Variants in MALRD1 observed in about 807,000 individuals in gnomAD.
MALRD1 encodes the protein MAM and LDL receptor class A domain containing 1.
MALRD1 carries 247 observed loss-of-function variants against 242.1 expected under a neutral mutation model. The observed-to-expected ratio is 1.02, with a 90% CI of 0.92 to 1.13. The LOEUF is 1.13. Among genes scored for constraint, MALRD1 ranks in the 50% most tolerant of loss-of-function variants. The pLI is 0.00. For missense variants in MALRD1, 2,989 were observed against 2,533.1 expected, an observed-to-expected ratio of 1.18 and a Z score of -3.86; for synonymous variants, 995 against 866.6, an observed-to-expected ratio of 1.15 and a Z score of -2.60.
At chr10:19,289,484 G>A (rs543119291) in intron 21 of MALRD1, among the ~76,000 whole-genome samples, 26 of 152,140 alleles carry the variant, frequency 1.7e-4, no homozygotes, top group Middle Eastern at 3.4e-3. Context: ...CTTTTAAATC[G>A]GAATGCTTAA....
At chr10:19,274,269 A>G (rs985661620) in intron 19 of MALRD1, among the ~76,000 whole-genome samples, 3 of 152,222 alleles carry the variant, frequency 2.0e-5, no homozygotes, top group African/African-American at 7.2e-5. Context: ...TGGTATATAC[A>G]TACAATGGAA....
At position 19,531,202 on chromosome 10, in the gene MALRD1, C is replaced by G. The variant is rs1204757347; in HGVS notation, c.5329C>G (p.Gln1777Glu). 4 of 1,548,228 alleles carry G rather than the reference C, an allele frequency of 2.6e-6. No homozygotes were observed. The Admixed American group carries it at 7.9e-5, about 31-fold the overall frequency. The change falls in exon 32 of 40, where the codon CAG (glutamine) becomes GAG (glutamate). Residue 1777 changes from glutamine (Q) to glutamate (E), a missense_variant. Physicochemically the swap from Gln to Glu is conservative, Grantham distance 29. Coordinates refer to ENST00000454679, the MANE Select transcript of MALRD1 (RefSeq NM_001142308.3). Reference sequence around the variant, plus strand: ...TGTTAATCTATTTCAAGGTAGTGGTCAGCACTTCCTGTACGTCAACTCATC... The same window carrying G: ...TGTTAATCTATTTCAAGGTAGTGGTGAGCACTTCCTGTACGTCAACTCATC... Reference protein sequence around the residue: ...PDSDHTPGSGQHFLYVNSSGS... With the variant: ...PDSDHTPGSGEHFLYVNSSGS...
intron 32 of MALRD1, among the ~76,000 whole-genome samples, chr10:19,562,320 GATA>G (rs1337290963): frequency 6.0e-5 from 9 of 151,100 alleles, no homozygotes; most frequent in Non-Finnish European, 1.2e-4. Flanking sequence ...TAGATAGATA[GATA>G]GATAGATAGA....
At chr10:19,337,458 G>A (rs1270438438) in intron 24 of MALRD1, among the ~76,000 whole-genome samples, 1 of 152,060 alleles carries the variant, frequency 6.6e-6, no homozygotes, top group Non-Finnish European at 1.5e-5. Flanking sequence ...AGTATGAAGT[G>A]TAATCTCATG....
chr10:19,280,255 T>A (rs773073186), intron 20 of MALRD1, 32 bp downstream of exon 20: 39 of 1,415,254 alleles, frequency 2.8e-5, no homozygotes, highest in Non-Finnish European at 3.5e-5. Flanking sequence ...GTTTAAATAC[T>A]GCTACAAAAT....
chr10:19,569,416 T>C (rs902259670), intron 33 of MALRD1, among the ~76,000 whole-genome samples: 1 of 151,908 alleles, frequency 6.6e-6, no homozygotes, highest in East Asian at 1.9e-4. Flanking sequence ...TTTTCTCATT[T>C]TCACCTCCAA....
At chr10:19,463,588 G>A (rs79100565) in intron 29 of MALRD1, among the ~76,000 whole-genome samples, 123,350 of 151,420 alleles carry the variant, frequency 0.81, 50,428 homozygotes, top group East Asian at 1. Flanking sequence ...GTGTGTGTGT[G>A]TGTATATACT....
At chr10:19,415,337 T>G (rs1332709972) in intron 28 of MALRD1, among the ~76,000 whole-genome samples, 1 of 152,168 alleles carries the variant, frequency 6.6e-6, no homozygotes, top group Non-Finnish European at 1.5e-5. Flanking sequence ...TGCATAAACT[T>G]TTCCTAAAAA....
intron 18 of MALRD1, among the ~76,000 whole-genome samples, chr10:19,251,736 TG>T (rs1839300236): frequency 6.6e-6 from 1 of 151,942 alleles, no homozygotes; most frequent in African/African-American, 2.4e-5. Context: ...GTAGGTGATA[TG>T]GTTTGACTCT....
intron 36 of MALRD1, among the ~76,000 whole-genome samples, chr10:19,661,472 C>G (rs1484043821): frequency 6.6e-6 from 1 of 152,130 alleles, no homozygotes; most frequent in Non-Finnish European, 1.5e-5. Context: ...AAGATGAGTT[C>G]ATGTCCTTTG....
chr10:19,238,456 A>ATT (rs1462793322), intron 18 of MALRD1, among the ~76,000 whole-genome samples: 1 of 42,466 alleles, frequency 2.4e-5, no homozygotes, highest in Non-Finnish European at 3.5e-5. Context: ...CATTATATAT[A>ATT]ATATATAATA....
intron 13 of MALRD1, among the ~76,000 whole-genome samples, chr10:19,171,961 CACATATATGTGATATAT>C: frequency 2.7e-5 from 1 of 37,622 alleles, no homozygotes; most frequent in Admixed American, 2.9e-4. Flanking sequence ...ATGTATATAT[CACATATATGTGATATAT>C]ATCATATAAT....
At chr10:19,415,252 GATTT>G (rs1291088214) in intron 28 of MALRD1, among the ~76,000 whole-genome samples, 1 of 151,982 alleles carries the variant, frequency 6.6e-6, no homozygotes, top group African/African-American at 2.4e-5. Flanking sequence ...CCATACAAAG[GATTT>G]ATTTATTTGG....
chr10:19,235,390 G>C (rs72788022), intron 18 of MALRD1, among the ~76,000 whole-genome samples: 13,681 of 150,322 alleles, frequency 0.091, 688 homozygotes, highest in Middle Eastern at 0.11. Flanking sequence ...TTTTTTTTTC[G>C]TGTATTTGTT....
chr10:19,202,222 CA>C (rs1836571157), intron 14 of MALRD1, among the ~76,000 whole-genome samples: 1 of 151,686 alleles, frequency 6.6e-6, no homozygotes, highest in African/African-American at 2.4e-5. Context: ...GTAGATGTGA[CA>C]TTTTTAAAGT....
At chr10:19,245,021 A>T (rs1257621486) in intron 18 of MALRD1, among the ~76,000 whole-genome samples, 4 of 152,198 alleles carry the variant, frequency 2.6e-5, no homozygotes, top group Non-Finnish European at 5.9e-5. Context: ...TCTGTCAGTG[A>T]GCTTGCATCA....
At chr10:19,298,453 G>A (rs1051709981) in intron 21 of MALRD1, among the ~76,000 whole-genome samples, 1 of 151,914 alleles carries the variant, frequency 6.6e-6, no homozygotes, top group Non-Finnish European at 1.5e-5. Context: ...AGACAAGAAG[G>A]ATAGGAAAGG....
intron 36 of MALRD1, among the ~76,000 whole-genome samples, chr10:19,682,893 C>T (rs1240065565): frequency 6.6e-6 from 1 of 152,130 alleles, no homozygotes; most frequent in Non-Finnish European, 1.5e-5. Flanking sequence ...CTCATCTGGG[C>T]ATGGGGAAAA....
chr10:19,084,455 A>G (rs1835599791), intron 2 of MALRD1, among the ~76,000 whole-genome samples: 1 of 151,784 alleles, frequency 6.6e-6, no homozygotes, highest in East Asian at 1.9e-4. Flanking sequence ...ATATTATCTC[A>G]CTATTAAAAT....
Sources: gnomAD v4.1 joint callset for allele counts (sites outside exome capture counted in the v4.1 genomes callset) on GRCh38, gnomAD v4.1.1 for gene constraint, MANE v1.5 for transcripts, NCBI Gene and HGNC (gene_info 2026-07-23, HGNC 2026-07-21) for gene names.